Variants in ULK4 observed in about 807,000 individuals in gnomAD.
ULK4 encodes inactive serine/threonine-protein kinase ULK4.
ULK4 carries 133 observed loss-of-function variants against 160.6 expected under a neutral mutation model. That is an observed-to-expected ratio of 0.83 (90% CI 0.72 to 0.96). ULK4 has a LOEUF of 0.96. Ranked by LOEUF, ULK4 falls within the 40% of genes least tolerant of loss-of-function variation. The pLI is 0.00. For missense variants in ULK4, 1,580 were observed against 1,499.5 expected (o/e 1.05, Z -0.89); for synonymous variants, 534 against 539.8 (o/e 0.99, Z 0.15).
chr3:41,246,831 G>C lies in ULK4; in HGVS notation c.*98C>G. The C allele has an allele frequency of 7.0e-7, 1 of 1,418,686 alleles. No individual in the cohort carries two copies. The highest frequency in any genetic ancestry group is 1.2e-5 in the South Asian group (1 of 80,304). 87.9% of individuals were successfully genotyped at this position (1,418,686 alleles called of 1,614,324 possible). On this transcript the variant is annotated 3_prime_UTR_variant, in exon 37 of 37. Transcript: ENST00000301831. The stretch of plus-strand genomic sequence containing the variant: ...GCTGACTTTATTAGGTCCAAAGACA[G>C]CTGTGAGGGGATGTGGCAAAGGTGT...
At chr3:41,953,221 T>TACATATATATACACAC (rs1473145505) in intron 2 of ULK4, among the ~76,000 whole-genome samples, 17 of 149,506 alleles carry the variant, frequency 1.1e-4, no homozygotes, top group African/African-American at 3.4e-4. Flanking sequence ...TACTACTATA[T>TACATATATATACACAC]ACATATATAT....
intron 32 of ULK4, among the ~76,000 whole-genome samples, 179 bp downstream of exon 32, chr3:41,565,846 G>A (rs1479569887): frequency 6.6e-6 from 1 of 152,072 alleles, no homozygotes; most frequent in East Asian, 1.9e-4. Context: ...GCCATTAAGA[G>A]AATGAATTAA....
At chr3:41,262,813 G>A (rs1246275046) in intron 35 of ULK4, among the ~76,000 whole-genome samples, 1 of 152,172 alleles carries the variant, frequency 6.6e-6, no homozygotes, top group African/African-American at 2.4e-5. Flanking sequence ...TGGCCATTAA[G>A]TCCCATAAGT....
chr3:41,285,032 ACAATGTGATAC>A (rs1198298360), intron 35 of ULK4, among the ~76,000 whole-genome samples: 8 of 152,366 alleles, frequency 5.3e-5, no homozygotes, highest in African/African-American at 1.9e-4. Context: ...AATGAAAACC[ACAATGTGATAC>A]CATCTTACTC....
At chr3:41,865,271 TAAAAAAAAAAAAAAA>T (rs55741060) in intron 17 of ULK4, among the ~76,000 whole-genome samples, 77 of 29,908 alleles carry the variant, frequency 2.6e-3, no homozygotes, top group Non-Finnish European at 3.8e-3. Flanking sequence ...ACTCTGTCTT[TAAAAAAAAAAAAAAA>T]AAAAAAAAAA....
chr3:41,453,200 C>T (rs1382183847), intron 34 of ULK4, among the ~76,000 whole-genome samples: 1 of 152,154 alleles, frequency 6.6e-6, no homozygotes, highest in Non-Finnish European at 1.5e-5. Context: ...CAGGGTCTCA[C>T]TCTTTCACTC....
Position 41,251,693 on chromosome 3 carries a change from AGT to A in ULK4, c.3679-2121_3679-2120del, listed in dbSNP as rs1300911342. On this transcript the variant is annotated intron_variant, in intron 35 of 36. Coordinates refer to ENST00000301831, the MANE Select transcript of ULK4 (RefSeq NM_017886.4). ...TCCCAGGCCATTCTGTGATGGCAGC[AGT>A]GGTAGTGGGGACAGAGGTGGCAGCA... is the stretch of plus-strand genomic sequence containing the variant. Among the ~76,000 whole-genome samples, 6 of 152,306 alleles carry A rather than the reference AGT, an allele frequency of 3.9e-5. No homozygotes were observed. The East Asian group carries it at 9.6e-4, about 24-fold the overall frequency.
intron 35 of ULK4, among the ~76,000 whole-genome samples, chr3:41,352,198 G>A (rs1167669063): frequency 6.6e-6 from 1 of 152,152 alleles, no homozygotes. Context: ...CCTCTGACTT[G>A]GCTCCTGGTT....
intron 34 of ULK4, among the ~76,000 whole-genome samples, chr3:41,429,795 G>A (rs1273851414): frequency 6.6e-6 from 1 of 152,046 alleles, no homozygotes; most frequent in Non-Finnish European, 1.5e-5. Context: ...AATGCATGCT[G>A]GCTGGGCTTA....
intron 33 of ULK4, among the ~76,000 whole-genome samples, chr3:41,457,203 G>C (rs888057908): frequency 6.6e-6 from 1 of 152,158 alleles, no homozygotes; most frequent in African/African-American, 2.4e-5. Flanking sequence ...AGATAAGGCA[G>C]TCTTGCAAAT....
At chr3:41,407,494 C>G (rs2082318620) in intron 34 of ULK4, among the ~76,000 whole-genome samples, 1 of 152,046 alleles carries the variant, frequency 6.6e-6, no homozygotes, top group African/African-American at 2.4e-5. Flanking sequence ...AGTAGCAAAC[C>G]AAATCAGCAA....
intron 32 of ULK4, among the ~76,000 whole-genome samples, chr3:41,504,400 AAATG>A (rs2085311222): frequency 6.6e-6 from 1 of 152,216 alleles, no homozygotes; most frequent in East Asian, 1.9e-4. Context: ...ATATTTAAAT[AAATG>A]AATATGTGAA....
chr3:41,947,322 A>C (rs1000464570), intron 2 of ULK4, among the ~76,000 whole-genome samples: 10 of 152,204 alleles, frequency 6.6e-5, no homozygotes, highest in African/African-American at 2.2e-4. Context: ...ATGACACCTG[A>C]AAGTGTGGTT....
At chr3:41,522,387 G>A (rs2085962867) in intron 32 of ULK4, among the ~76,000 whole-genome samples, 2 of 152,022 alleles carry the variant, frequency 1.3e-5, no homozygotes, top group Admixed American at 1.3e-4. Context: ...TTATCCACCA[G>A]CCTCAGCCTC....
chr3:41,429,641 G>A (rs898545362), intron 34 of ULK4, among the ~76,000 whole-genome samples: 16 of 151,658 alleles, frequency 1.1e-4, no homozygotes, highest in African/African-American at 1.9e-4. Context: ...ATGCAGGAAC[G>A]AAAAACCAAA....
chr3:41,838,504 A>G (rs919125413), intron 17 of ULK4, among the ~76,000 whole-genome samples: 107 of 152,312 alleles, frequency 7.0e-4, no homozygotes, highest in Non-Finnish European at 6.6e-4. Flanking sequence ...AGATATACTT[A>G]AAAGCACTAC....
intron 32 of ULK4, among the ~76,000 whole-genome samples, chr3:41,481,671 C>T (rs867315055): frequency 5.4e-4 from 82 of 150,986 alleles, no homozygotes; most frequent in African/African-American, 1.8e-3. Flanking sequence ...ACTAAAAATA[C>T]AAAAAATTAG....
chr3:41,897,791 T>C (rs1698216034), intron 14 of ULK4, among the ~76,000 whole-genome samples: 1 of 152,186 alleles, frequency 6.6e-6, no homozygotes, highest in South Asian at 2.1e-4. Flanking sequence ...TAAACCTAAA[T>C]ATATTTTAAA....
intron 30 of ULK4, among the ~76,000 whole-genome samples, chr3:41,639,692 C>A (rs2034105256): frequency 6.6e-6 from 1 of 152,186 alleles, no homozygotes; most frequent in African/African-American, 2.4e-5. Flanking sequence ...TGCGCCACTG[C>A]ACTTCAGCCC....
Sources: gnomAD v4.1 joint callset for allele counts (sites outside exome capture counted in the v4.1 genomes callset) on GRCh38, gnomAD v4.1.1 for gene constraint, MANE v1.5 for transcripts, NCBI Gene and HGNC (gene_info 2026-07-23, HGNC 2026-07-21) for gene names.